ADAMTS19: variants seen among roughly 807,000 people sequenced by gnomAD.
The protein encoded by ADAMTS19 is ADAM metallopeptidase with thrombospondin type 1 motif 19.
In ADAMTS19, 93 loss-of-function variants were observed where a neutral mutation model predicts 153.3. The observed-to-expected ratio is 0.61, with a 90% CI of 0.51 to 0.72. The LOEUF is 0.72. ADAMTS19 is among the 30% of genes least tolerant of loss of function. ADAMTS19 has a pLI of 0.00. For missense variants in ADAMTS19, 1,482 were observed against 1,552.1 expected (o/e 0.95, Z 0.76); for synonymous variants, 600 against 556.6 (o/e 1.08, Z -1.10).
Position 129,488,100 on chromosome 5 carries a change from A to G in ADAMTS19, c.748-20977A>G, listed in dbSNP as rs147422065. The stretch of plus-strand genomic sequence containing the variant: ...TTCTTTTGTGTAAGAGACCCTATAA[A>G]TACTCACAGCAAAGAAAATACACCG... On this transcript the variant is annotated intron_variant, in intron 2 of 22. Transcript: ENST00000274487. Among the ~76,000 whole-genome samples, 171 of 152,184 alleles carry G rather than the reference A, an allele frequency of 1.1e-3. 1 individual carries two copies. The highest frequency in any genetic ancestry group is 4.0e-3 in the African/African-American group (166 of 41,560).
chr5:129,512,308 A>G (rs1751464620), intron 3 of ADAMTS19, among the ~76,000 whole-genome samples: 1 of 152,006 alleles, frequency 6.6e-6, no homozygotes, highest in Non-Finnish European at 1.5e-5. Flanking sequence ...TATTGTGGAG[A>G]TTATTGTCAA....
chr5:129,535,105 G>T (rs1168815778), intron 6 of ADAMTS19, among the ~76,000 whole-genome samples: 1 of 152,102 alleles, frequency 6.6e-6, no homozygotes, highest in Non-Finnish European at 1.5e-5. Flanking sequence ...ATTCAATTAG[G>T]AAAAGAGGAA....
intron 8 of ADAMTS19, among the ~76,000 whole-genome samples, chr5:129,605,202 C>A (rs1292186835): frequency 6.6e-6 from 1 of 152,146 alleles, no homozygotes; most frequent in Non-Finnish European, 1.5e-5. Flanking sequence ...TACAACAAAG[C>A]AAATTGCCTG....
At chr5:129,603,238 T>A (rs1750746144) in intron 8 of ADAMTS19, among the ~76,000 whole-genome samples, 1 of 152,200 alleles carries the variant, frequency 6.6e-6, no homozygotes, top group Non-Finnish European at 1.5e-5. Flanking sequence ...TAAGTCAGTG[T>A]TGCACTAGGA....
chr5:129,614,701 G>T (rs1453793571), intron 8 of ADAMTS19, among the ~76,000 whole-genome samples: 2 of 152,056 alleles, frequency 1.3e-5, no homozygotes, highest in African/African-American at 4.8e-5. Flanking sequence ...TCAGGCAGGA[G>T]AAAGAAATAA....
chr5:129,636,584 C>A (rs1008366729), intron 10 of ADAMTS19, among the ~76,000 whole-genome samples: 4 of 152,124 alleles, frequency 2.6e-5, no homozygotes, highest in Admixed American at 2.6e-4. Flanking sequence ...CCTTTCTATG[C>A]CTATCACTCA....
chr5:129,469,042 G>C (rs1033845623), intron 2 of ADAMTS19, among the ~76,000 whole-genome samples: 7 of 152,092 alleles, frequency 4.6e-5, no homozygotes, highest in Non-Finnish European at 1.0e-4. Context: ...TTCCTAAAGT[G>C]CTGGGATTAC....
Position 129,461,131 on chromosome 5 carries a change from T to C in ADAMTS19, c.121T>C (p.Trp41Arg). The C allele has an allele frequency of 1.4e-6, 2 of 1,421,328 alleles. No homozygotes were observed. The highest frequency in any genetic ancestry group is 1.5e-5 in the South Asian group (1 of 67,516). 88.0% of individuals were successfully genotyped at this position (1,421,328 alleles called of 1,614,324 possible). A position where few individuals can be genotyped will look rare whatever the true frequency, so the allele number is the denominator to read the frequency against. Residue 41 changes from tryptophan to arginine, a missense_variant, in exon 2 of 23, where the codon TGG (tryptophan) becomes CGG (arginine). By Grantham distance (101) the Trp-to-Arg change is moderately radical. Around this residue, in one of 2 missense-constraint regions of ADAMTS19, gnomAD observed 866 missense variants for 827.7 expected, o/e 1.05. Transcript: ENST00000274487. The surrounding 1 kb of genome is among the most constrained non-coding windows in gnomAD (Gnocchi z 4.6). ...ELQFAPDREEWEVVFPALWRR... is the reference protein window; with the variant it reads ...ELQFAPDREEREVVFPALWRR... ...GCAGTTCGCCCCCGACCGCGAGGAG[T>C]GGGAAGTCGTGTTTCCTGCGCTCTG...
chr5:129,725,665 A>G (rs1427632313), intron 21 of ADAMTS19, among the ~76,000 whole-genome samples: 2 of 152,034 alleles, frequency 1.3e-5, no homozygotes, highest in African/African-American at 2.4e-5. Context: ...CCTCCTGACC[A>G]TCACCTGATG....
chr5:129,593,999 A>T (rs1432206231), intron 7 of ADAMTS19, among the ~76,000 whole-genome samples: 2 of 152,146 alleles, frequency 1.3e-5, no homozygotes, highest in Non-Finnish European at 2.9e-5. Context: ...ACATGCATTG[A>T]TATCAGAAAG....
At chr5:129,556,982 T>C (rs910099607) in intron 7 of ADAMTS19, among the ~76,000 whole-genome samples, 6 of 152,160 alleles carry the variant, frequency 3.9e-5, no homozygotes, top group African/African-American at 1.4e-4. Context: ...CAAGCAGCCA[T>C]GGAAAACCAG....
rs78387576 is a variant in ADAMTS19 at position 129,636,993 on chromosome 5, A to G, written c.1771-4866A>G. Among the ~76,000 whole-genome samples, 89 of 152,278 alleles carry G rather than the reference A, an allele frequency of 5.8e-4. 1 individual carries two copies. The East Asian group carries it at 0.015, about 26-fold the overall frequency. Reference sequence around the variant, plus strand: ...TTTTTAACCTTCAAACCTGAATAAAATTTTAGCTGAGTTCAGGAGTGTAGA... The same window carrying G: ...TTTTTAACCTTCAAACCTGAATAAAGTTTTAGCTGAGTTCAGGAGTGTAGA... On this transcript the variant is annotated intron_variant, in intron 10 of 22. Coordinates refer to ENST00000274487, the MANE Select transcript of ADAMTS19 (RefSeq NM_133638.6).
intron 7 of ADAMTS19, among the ~76,000 whole-genome samples, chr5:129,565,364 A>G (rs551443007): frequency 2.0e-5 from 3 of 152,308 alleles, no homozygotes; most frequent in Admixed American, 6.5e-5. Context: ...AATAACCTTC[A>G]TCTTGTACTA....
intron 3 of ADAMTS19, among the ~76,000 whole-genome samples, chr5:129,511,033 T>C (rs1297710735): frequency 6.6e-6 from 1 of 151,778 alleles, no homozygotes. Flanking sequence ...ATTTAAAAAT[T>C]AGGAATCTGT....
chr5:129,643,366 A>AC (rs1752896266), intron 11 of ADAMTS19, among the ~76,000 whole-genome samples: 1 of 131,344 alleles, frequency 7.6e-6, no homozygotes, highest in African/African-American at 3.1e-5. Context: ...TGTTTCAAAG[A>AC]CAAAAAAAAA....
chr5:129,507,710 G>A (rs903579117), intron 2 of ADAMTS19, among the ~76,000 whole-genome samples: 3 of 128,096 alleles, frequency 2.3e-5, no homozygotes, highest in East Asian at 4.1e-4. Context: ...GATCTAGAGC[G>A]AGAGAGAGAG....
intron 3 of ADAMTS19, among the ~76,000 whole-genome samples, chr5:129,516,926 T>G (rs1447897668): frequency 6.8e-6 from 1 of 146,680 alleles, no homozygotes; most frequent in East Asian, 2.1e-4. Flanking sequence ...ACTTATAAAC[T>G]TCCCCCTGAG....
intron 3 of ADAMTS19, among the ~76,000 whole-genome samples, chr5:129,514,527 C>A (rs183499359): frequency 3.0e-4 from 45 of 152,210 alleles, no homozygotes; most frequent in African/African-American, 1.1e-3. Context: ...ATGTGCATTT[C>A]TCTGGTGACC....
intron 2 of ADAMTS19, among the ~76,000 whole-genome samples, chr5:129,483,361 A>C (rs974447801): frequency 3.9e-5 from 6 of 152,230 alleles, no homozygotes; most frequent in Non-Finnish European, 8.8e-5. Flanking sequence ...TTAAAGAAAT[A>C]ATGCAAATAA....
Sources: gnomAD v4.1 joint callset for allele counts (sites outside exome capture counted in the v4.1 genomes callset) on GRCh38, gnomAD v4.1.1 for gene constraint, gnomAD v4.1.1 regional missense constraint, Gnocchi (gnomAD v3.1) non-coding constraint, MANE v1.5 for transcripts, NCBI Gene and HGNC (gene_info 2026-07-23, HGNC 2026-07-21) for gene names.